Variants in HS3ST5 observed in about 807,000 individuals in gnomAD.
HS3ST5 encodes heparan sulfate-glucosamine 3-sulfotransferase 5, also known as heparan sulfate glucosamine 3-O-sulfotransferase 5.
Under a neutral mutation model 25.4 loss-of-function variants are expected in HS3ST5, and 10 were observed. The ratio of observed to expected loss-of-function variants is 0.39; its 90% CI spans 0.24 to 0.67. The LOEUF is 0.67. Ranked by LOEUF, HS3ST5 falls within the 30% of genes least tolerant of loss-of-function variation. The pLI is 0.44. For missense variants in HS3ST5, 324 were observed against 420.7 expected, an observed-to-expected ratio of 0.77 and a Z score of 2.01; for synonymous variants, 170 against 162.4, an observed-to-expected ratio of 1.05 and a Z score of -0.36.
rs80169015 is a variant in HS3ST5 at position 114,198,908 on chromosome 6, A to C, written c.-145+29677T>G. ...CACACACACCTCTATTCCCAGGTGT[A>C]GCTACCTAGAGACTCAGTGCCCTCG... On this transcript the variant is annotated intron_variant, in intron 2 of 4. Transcript: ENST00000312719. Among the ~76,000 whole-genome samples the C allele has an allele frequency of 7.0e-3, 1,067 of 152,226 alleles. 54 individuals are homozygous for C. In the East Asian group the frequency reaches 0.14, roughly 19 times the overall value.
At chr6:114,119,522 G>A (rs12200508) in intron 3 of HS3ST5, among the ~76,000 whole-genome samples, 11,547 of 152,218 alleles carry the variant, frequency 0.076, 595 homozygotes, top group Middle Eastern at 0.11. Flanking sequence ...AAACCTAGGA[G>A]ATTAAGTAGC....
intron 3 of HS3ST5, among the ~76,000 whole-genome samples, chr6:114,067,623 A>T (rs1487079878): frequency 4.6e-5 from 7 of 152,136 alleles, no homozygotes; most frequent in African/African-American, 1.7e-4. Flanking sequence ...AAATGTGCCT[A>T]CTGAGGTTTT....
intron 3 of HS3ST5, among the ~76,000 whole-genome samples, chr6:114,153,574 G>C (rs1190488604): frequency 1.3e-5 from 2 of 152,120 alleles, no homozygotes; most frequent in Non-Finnish European, 2.9e-5. Context: ...TTTCTGTCCT[G>C]GATTATCATA....
At chr6:114,255,100 C>G (rs1390424158) in intron 1 of HS3ST5, among the ~76,000 whole-genome samples, 2 of 152,152 alleles carry the variant, frequency 1.3e-5, no homozygotes, top group Non-Finnish European at 2.9e-5. Context: ...CAAAAGCAAG[C>G]TAGTTACCTG....
At chr6:114,229,205 C>G (rs1257716813) in intron 1 of HS3ST5, among the ~76,000 whole-genome samples, 1 of 152,146 alleles carries the variant, frequency 6.6e-6, no homozygotes, top group South Asian at 2.1e-4. Context: ...TGCTATATTT[C>G]CTTTCACATG....
chr6:114,332,651 A>G (rs1275675375), intron 1 of HS3ST5, among the ~76,000 whole-genome samples: 2 of 152,098 alleles, frequency 1.3e-5, no homozygotes, highest in African/African-American at 2.4e-5. Context: ...GTGTGTGTCT[A>G]TGTGTGTGCG....
intron 1 of HS3ST5, among the ~76,000 whole-genome samples, chr6:114,245,849 C>T (rs774552360): frequency 2.0e-5 from 3 of 152,188 alleles, no homozygotes; most frequent in African/African-American, 7.2e-5. Flanking sequence ...AAGCTGCATA[C>T]ATGTGGGACC....
Position 114,158,036 on chromosome 6 carries a change from G to A in HS3ST5, c.-33+10315C>T, listed in dbSNP as rs558660774. 4.3e-4 allele frequency among the ~76,000 whole-genome samples: 65 copies of A among 152,222 alleles called. 1 individual carries two copies. Among genetic ancestry groups the A allele is most frequent in the Non-Finnish European group, 8.4e-4 (57 of 68,020 alleles). On this transcript the variant is annotated intron_variant, in intron 3 of 4. Coordinates refer to ENST00000312719, the MANE Select transcript of HS3ST5 (RefSeq NM_153612.4). ...TCAATGGAGCTGTCACTTCTTTCAG[G>A]AAACCTTCCTGAAGTGAAGCAGCGC...
Position 114,248,217 on chromosome 6 carries a change from A to AAAATAT in HS3ST5, c.-338-19440_-338-19439insATATTT, listed in dbSNP as rs779273890. ...TTCCATCTCAAAAAATGAAAAAAAA[A>AAAATAT]ATATATATATATATATATATAAAAT... On this transcript the variant is annotated intron_variant, in intron 1 of 4. Coordinates refer to ENST00000312719, the MANE Select transcript of HS3ST5 (RefSeq NM_153612.4). Among the ~76,000 whole-genome samples, 5 of 143,154 alleles carry AAAATAT rather than the reference A, an allele frequency of 3.5e-5. No homozygotes were observed. The East Asian group carries it at 6.1e-4, about 17-fold the overall frequency. 93.9% of individuals were successfully genotyped at this position (143,154 alleles called of 152,430 possible).
intron 1 of HS3ST5, among the ~76,000 whole-genome samples, chr6:114,281,069 C>A (rs781513281): frequency 2.6e-5 from 4 of 151,890 alleles, no homozygotes; most frequent in African/African-American, 4.8e-5. Flanking sequence ...AGTTTCGATA[C>A]CATTTAATTT....
chr6:114,239,815 G>C (rs116398780), intron 1 of HS3ST5, among the ~76,000 whole-genome samples: 2,536 of 152,146 alleles, frequency 0.017, 85 homozygotes, highest in African/African-American at 0.057. Flanking sequence ...CATATTCTCT[G>C]GGTCAGCATC....
At chr6:114,098,185 G>T (rs1399577570) in intron 3 of HS3ST5, among the ~76,000 whole-genome samples, 1 of 151,836 alleles carries the variant, frequency 6.6e-6, no homozygotes, top group African/African-American at 2.4e-5. Context: ...ATGATCTTTT[G>T]CTTAACCTGG....
intron 1 of HS3ST5, among the ~76,000 whole-genome samples, chr6:114,336,835 A>G (rs1776631276): frequency 6.6e-6 from 1 of 152,098 alleles, no homozygotes; most frequent in Non-Finnish European, 1.5e-5. Flanking sequence ...TATGGCAGAG[A>G]GCATTACAGT....
At chr6:114,162,649 C>G (rs1378207407) in intron 3 of HS3ST5, among the ~76,000 whole-genome samples, 1 of 152,212 alleles carries the variant, frequency 6.6e-6, no homozygotes, top group Non-Finnish European at 1.5e-5. Flanking sequence ...TGTCTGGCCT[C>G]ACCTCCTTTT....
chr6:114,195,030 C>T (rs1045198873), intron 2 of HS3ST5, among the ~76,000 whole-genome samples: 4 of 152,168 alleles, frequency 2.6e-5, no homozygotes, highest in Admixed American at 2.0e-4. Flanking sequence ...CAATAGATAC[C>T]ACTGAAAGAT....
chr6:114,216,728 T>TAAAAAAAA (rs760077446), intron 2 of HS3ST5, among the ~76,000 whole-genome samples: 3 of 90,158 alleles, frequency 3.3e-5, no homozygotes, highest in East Asian at 3.4e-4. Context: ...TCGTCCTCCT[T>TAAAAAAAA]AAAAAAAAAA....
Position 114,290,837 on chromosome 6 carries a change from T to A in HS3ST5, c.-339+51358A>T, listed in dbSNP as rs557050492. ...TTTATGTACAAGAGTTGTGTTACTA[T>A]TTTTTTTTTAAGCAATCAGCCATTA... On this transcript the variant is annotated intron_variant, in intron 1 of 4. Transcript: ENST00000312719. Among the ~76,000 whole-genome samples the A allele has an allele frequency of 2.2e-3, 149 of 68,300 alleles. 1 individual carries two copies. The highest frequency in any genetic ancestry group is 5.9e-3 in the African/African-American group (148 of 24,976). 44.8% of individuals were successfully genotyped at this position (68,300 alleles called of 152,430 possible). A position where few individuals can be genotyped will look rare whatever the true frequency, so the allele number is the denominator to read the frequency against.
chr6:114,203,773 C>T (rs1781138068), intron 2 of HS3ST5, among the ~76,000 whole-genome samples: 1 of 152,142 alleles, frequency 6.6e-6, no homozygotes, highest in African/African-American at 2.4e-5. Context: ...CCTTACAAAT[C>T]CTAGGCTCCG....
chr6:114,091,522 A>C (rs1019286587), intron 3 of HS3ST5, among the ~76,000 whole-genome samples: 3 of 151,896 alleles, frequency 2.0e-5, no homozygotes, highest in Non-Finnish European at 2.9e-5. Flanking sequence ...CTAAAAAAAA[A>C]AAATACAGAA....
Sources: gnomAD v4.1 joint callset for allele counts (sites outside exome capture counted in the v4.1 genomes callset) on GRCh38, gnomAD v4.1.1 for gene constraint, MANE v1.5 for transcripts, NCBI Gene and HGNC (gene_info 2026-07-23, HGNC 2026-07-21) for gene names.